The following NXNL2 variants were observed in gnomAD, a reference collection of about 807,000 sequenced individuals.
NXNL2 encodes nucleoredoxin-like protein 2.
In NXNL2, 7 loss-of-function variants were observed where a neutral mutation model predicts 11.1. The observed-to-expected ratio is 0.63, with a 90% CI of 0.36 to 1.18. NXNL2 has a LOEUF of 1.18. Among genes scored for constraint, NXNL2 ranks in the 50% most tolerant of loss-of-function variants. The pLI, the probability that NXNL2 is intolerant of heterozygous loss-of-function variation, is 0.02. For missense variants in NXNL2, 233 were observed against 217.7 expected (o/e 1.07, Z -0.44); for synonymous variants, 109 against 101.8 (o/e 1.07, Z -0.42).
downstream of NXNL2, among the ~76,000 whole-genome samples, chr9:88,577,249 G>T (rs1830358206): frequency 6.6e-6 from 1 of 152,008 alleles, no homozygotes; most frequent in Admixed American, 6.6e-5. Context: ...TTCCTTTCCT[G>T]GATGCTTATT....
At chr9:88,577,599 C>G (rs1830362636), downstream of NXNL2, among the ~76,000 whole-genome samples, 1 of 147,722 alleles carries the variant, frequency 6.8e-6, no homozygotes, top group Non-Finnish European at 1.5e-5. Flanking sequence ...CATGGCCTTT[C>G]CTCTGTGCTT....
Position 88,544,356 on chromosome 9 carries a change from G to C in NXNL2, c.303-23G>C, listed in dbSNP as rs199693382. On this transcript the variant is annotated intron_variant, in intron 1 of 1. Transcript: ENST00000375854. ...ATGTGCATGTGGGAGTGCTAACTTC[G>C]GTACCACTCTTCTGTCCTGCAGTGA... 4 of 1,548,172 alleles carry C rather than the reference G, an allele frequency of 2.6e-6. No individual in the cohort carries two copies. In the South Asian group the frequency reaches 3.6e-5, roughly 14 times the overall value.
At chr9:88,558,578 A>G (rs955800910) in intron 1 of NXNL2, among the ~76,000 whole-genome samples, 2 of 152,144 alleles carry the variant, frequency 1.3e-5, no homozygotes, top group African/African-American at 2.4e-5. Context: ...GCACAGGTTA[A>G]ACAACCTGGG....
intron 1 of NXNL2, among the ~76,000 whole-genome samples, chr9:88,570,118 T>A (rs1025420579): frequency 1.1e-4 from 16 of 151,880 alleles, no homozygotes; most frequent in South Asian, 4.1e-4. Flanking sequence ...TTAATTTTTT[T>A]ATTTTTATTT....
Position 88,535,559 on chromosome 9 carries a change from G to GCGACTTCA in NXNL2, c.128_135dup (p.Pro46ThrfsTer61). 6.2e-7 allele frequency: 1 copy of GCGACTTCA among 1,609,198 alleles called. No individual in the cohort carries two copies. Among genetic ancestry groups the GCGACTTCA allele is most frequent in the Non-Finnish European group, 8.5e-7 (1 of 1,179,204 alleles). ...GCGGCGGCCCGGTGCGCGCCGAGCCGCGACTTCACGCCGCTGCTCTGCGAC... is the reference window on the plus strand; with the variant it reads ...GCGGCGGCCCGGTGCGCGCCGAGCCGCGACTTCACGACTTCACGCCGCTGCTCTGCGAC... On this transcript the variant is annotated frameshift_variant, in exon 1 of 2. Transcript: ENST00000375854. LOFTEE classifies it high-confidence loss of function.
intron 1 of NXNL2, among the ~76,000 whole-genome samples, chr9:88,569,765 C>T (rs1487454676): frequency 1.3e-5 from 2 of 152,074 alleles, no homozygotes; most frequent in African/African-American, 4.8e-5. Flanking sequence ...TTAATAGATT[C>T]TTAATTTGAA....
intron 1 of NXNL2, 54 bp downstream of exon 1, chr9:88,535,790 C>T (rs1023485934): frequency 2.1e-6 from 3 of 1,420,960 alleles, no homozygotes; most frequent in Non-Finnish European, 2.8e-6. Flanking sequence ...CCCCCATGTT[C>T]CCCCAGGCCT....
intron 2 of NXNL2, among the ~76,000 whole-genome samples, chr9:88,574,621 T>C (rs907376026): frequency 2.0e-5 from 3 of 152,248 alleles, no homozygotes; most frequent in African/African-American, 4.8e-5. Flanking sequence ...TGTTGAGCTC[T>C]GTCTGTCCTT....
At chr9:88,561,413 T>G (rs1256548248) in intron 1 of NXNL2, among the ~76,000 whole-genome samples, 1 of 152,192 alleles carries the variant, frequency 6.6e-6, no homozygotes, top group Non-Finnish European at 1.5e-5. Flanking sequence ...CTCCTCTTTA[T>G]CTATCATCTA....
chr9:88,564,503 G>A (rs1047035117), intron 1 of NXNL2, among the ~76,000 whole-genome samples: 6 of 151,952 alleles, frequency 3.9e-5, no homozygotes, highest in Admixed American at 3.9e-4. Flanking sequence ...TGCAACCTCC[G>A]CCTCCAGGGT....
intron 1 of NXNL2, among the ~76,000 whole-genome samples, chr9:88,583,221 T>C (rs1830428723): frequency 6.6e-6 from 1 of 152,250 alleles, no homozygotes; most frequent in African/African-American, 2.4e-5. Flanking sequence ...TCTGCGGCAT[T>C]TGTTACCGCT....
At chr9:88,538,839 CACA>C (rs1829687151) in intron 1 of NXNL2, among the ~76,000 whole-genome samples, 1 of 152,238 alleles carries the variant, frequency 6.6e-6, no homozygotes, top group Non-Finnish European at 1.5e-5. Context: ...ATTTAATCCT[CACA>C]ACAACTCCAG....
chr9:88,576,945 C>G (rs536355186), downstream of NXNL2, among the ~76,000 whole-genome samples: 21 of 131,798 alleles, frequency 1.6e-4, no homozygotes, highest in Non-Finnish European at 1.9e-4. Flanking sequence ...CTGGGGTGAG[C>G]CACCACCCAT....
intron 1 of NXNL2, among the ~76,000 whole-genome samples, chr9:88,540,331 T>TAA (rs112693535): frequency 7.2e-6 from 1 of 139,066 alleles, no homozygotes; most frequent in Non-Finnish European, 1.6e-5. Flanking sequence ...GACTCCATCT[T>TAA]AAAAAAAAAA....
At chr9:88,574,623 T>C (rs1003265099) in intron 2 of NXNL2, among the ~76,000 whole-genome samples, 21 of 152,238 alleles carry the variant, frequency 1.4e-4, no homozygotes, top group Admixed American at 3.3e-4. Context: ...TTGAGCTCTG[T>C]CTGTCCTTTG....
At chr9:88,576,383 T>C (rs1830349292), downstream of NXNL2, among the ~76,000 whole-genome samples, 1 of 152,230 alleles carries the variant, frequency 6.6e-6, no homozygotes, top group South Asian at 2.1e-4. Context: ...CTCACACTTA[T>C]GTGGTGGCCC....
chr9:88,569,064 A>G (rs1457725857), intron 1 of NXNL2, among the ~76,000 whole-genome samples: 1 of 152,066 alleles, frequency 6.6e-6, no homozygotes, highest in Non-Finnish European at 1.5e-5. Flanking sequence ...GTAGCTGGGA[A>G]TACAGGCATG....
chr9:88,581,292 G>A (rs532429126), intron 1 of NXNL2, among the ~76,000 whole-genome samples: 1 of 152,324 alleles, frequency 6.6e-6, no homozygotes, highest in East Asian at 1.9e-4. Context: ...AAACCAAGAG[G>A]ACAAAGCTGG....
At chr9:88,544,338 T>C (rs529601721) in intron 1 of NXNL2, 41 bp from the exon 2 acceptor site, 184 of 1,516,600 alleles carry the variant, frequency 1.2e-4, no homozygotes, top group Non-Finnish European at 1.6e-4. Context: ...CAGATGTGCA[T>C]GTGGGAGTGC....
Sources: allele counts gnomAD v4.1 joint callset (sites outside exome capture counted in the v4.1 genomes callset), GRCh38; gene constraint gnomAD v4.1.1; transcripts MANE v1.5; gene names NCBI Gene and HGNC (gene_info 2026-07-23, HGNC 2026-07-21).